LRP12: variants seen among roughly 807,000 people sequenced by gnomAD.
LRP12 encodes the protein LDL receptor related protein 12.
Under a neutral mutation model 66.0 loss-of-function variants are expected in LRP12, and 14 were observed. That is an observed-to-expected ratio of 0.21 (90% CI 0.14 to 0.33). LRP12 has a LOEUF of 0.33. Among genes scored for constraint, LRP12 ranks in the 10% least tolerant of loss-of-function variants. The pLI, the probability that LRP12 is intolerant of heterozygous loss-of-function variation, is 1.00. For synonymous variants in LRP12, 357 were observed against 359.1 expected (o/e 0.99, Z 0.07); for missense variants, 889 against 1,053.4 (o/e 0.84, Z 2.16).
intron 2 of LRP12, among the ~76,000 whole-genome samples, chr8:104,514,034 A>G (rs1449641097): frequency 6.6e-6 from 1 of 152,208 alleles, no homozygotes; most frequent in East Asian, 1.9e-4. Context: ...TGAAGTAAAA[A>G]GAAATTGAAG....
At chr8:104,554,097 A>C (rs991761387) in intron 1 of LRP12, among the ~76,000 whole-genome samples, 12 of 152,054 alleles carry the variant, frequency 7.9e-5, no homozygotes, top group African/African-American at 2.9e-4. Flanking sequence ...CAAGGGAGCA[A>C]CCCATGGGAA....
chr8:104,564,590 A>G (rs1811965913), intron 1 of LRP12, among the ~76,000 whole-genome samples: 1 of 152,034 alleles, frequency 6.6e-6, no homozygotes, highest in South Asian at 2.1e-4. Context: ...GACACAAATC[A>G]GCACCGCATA....
chr8:104,575,954 C>CTTT (rs1812158683), intron 1 of LRP12, among the ~76,000 whole-genome samples: 1 of 152,086 alleles, frequency 6.6e-6, no homozygotes, highest in Non-Finnish European at 1.5e-5. Flanking sequence ...GAAAAACACA[C>CTTT]TTTAAGAATT....
At chr8:104,561,811 A>T (rs1402762133) in intron 1 of LRP12, among the ~76,000 whole-genome samples, 1 of 152,098 alleles carries the variant, frequency 6.6e-6, no homozygotes, top group Admixed American at 6.6e-5. Flanking sequence ...TTTGGCTGGA[A>T]CTACTAGTCT....
intron 2 of LRP12, among the ~76,000 whole-genome samples, chr8:104,514,273 T>A (rs1811043259): frequency 6.6e-6 from 1 of 152,150 alleles, no homozygotes; most frequent in Non-Finnish European, 1.5e-5. Flanking sequence ...CAGTCCCAAC[T>A]TATCATTAAT....
intron 2 of LRP12, among the ~76,000 whole-genome samples, chr8:104,522,149 A>G (rs2140854301): frequency 6.6e-6 from 1 of 152,166 alleles, no homozygotes; most frequent in African/African-American, 2.4e-5. Context: ...GCTGTGGTTA[A>G]AAACAAAAGC....
chr8:104,524,971 T>C (rs902122042), intron 2 of LRP12, among the ~76,000 whole-genome samples: 4 of 152,246 alleles, frequency 2.6e-5, no homozygotes, highest in African/African-American at 7.2e-5. Context: ...GTAAATCAAC[T>C]TGACGTAAGA....
intron 1 of LRP12, among the ~76,000 whole-genome samples, chr8:104,549,400 CTTTTTTTTT>C (rs66644217): frequency 8.6e-6 from 1 of 116,704 alleles, no homozygotes; most frequent in African/African-American, 3.3e-5. Flanking sequence ...TCTGAATCCA[CTTTTTTTTT>C]TTTTTTTTTT....
At chr8:104,544,326 G>A (rs1177278529) in intron 1 of LRP12, among the ~76,000 whole-genome samples, 3 of 152,186 alleles carry the variant, frequency 2.0e-5, no homozygotes, top group Non-Finnish European at 2.9e-5. Flanking sequence ...AAAAGTGCAA[G>A]GTGAGGCTGT....
chr8:104,570,296 T>C (rs78946911), intron 1 of LRP12, among the ~76,000 whole-genome samples: 4,532 of 152,216 alleles, frequency 0.03, 109 homozygotes, highest in Non-Finnish European at 0.05. Context: ...AAAATGTATA[T>C]GGAAGAGAAA....
chr8:104,584,543 C>T (rs1008865551), intron 1 of LRP12, among the ~76,000 whole-genome samples: 1 of 152,054 alleles, frequency 6.6e-6, no homozygotes, highest in Non-Finnish European at 1.5e-5. Context: ...CTTTTATGTT[C>T]TTCAAAAGAA....
At chr8:104,494,907 T>C (rs890835870) in intron 6 of LRP12, among the ~76,000 whole-genome samples, 170 bp downstream of exon 6, 1 of 152,348 alleles carries the variant, frequency 6.6e-6, no homozygotes, top group Admixed American at 6.5e-5. Flanking sequence ...AATATACTTT[T>C]GCAGTTTGTA....
At chr8:104,491,579 A>C in intron 6 of LRP12, 40 bp from the exon 7 acceptor site, 1 of 1,312,546 alleles carries the variant, frequency 7.6e-7, no homozygotes, top group Non-Finnish European at 1.0e-6. Flanking sequence ...GTTAACAACA[A>C]GGTACTAAGA....
At chr8:104,536,328 G>T (rs552794659) in intron 1 of LRP12, among the ~76,000 whole-genome samples, 2 of 152,014 alleles carry the variant, frequency 1.3e-5, no homozygotes, top group Admixed American at 1.3e-4. Flanking sequence ...ACTAGGTTAG[G>T]TCATTCTGTT....
intron 1 of LRP12, among the ~76,000 whole-genome samples, chr8:104,570,574 A>T (rs1812062613): frequency 6.6e-6 from 1 of 152,216 alleles, no homozygotes; most frequent in African/African-American, 2.4e-5. Flanking sequence ...GGTTATCCAT[A>T]TGCAAAAACT....
chr8:104,536,857 T>C (rs1192629870), intron 1 of LRP12, among the ~76,000 whole-genome samples: 1 of 151,814 alleles, frequency 6.6e-6, no homozygotes, highest in Non-Finnish European at 1.5e-5. Context: ...TTTAGTAAGG[T>C]AGTAGGATAT....
intron 1 of LRP12, among the ~76,000 whole-genome samples, chr8:104,548,305 T>TACG (rs1811650706): frequency 2.5e-5 from 1 of 40,032 alleles, no homozygotes; most frequent in African/African-American, 1.5e-4. Flanking sequence ...TTATATAATA[T>TACG]ATATTATATA....
chr8:104,588,746 G>A, intron 1 of LRP12, 73 bp downstream of exon 1: 1 of 1,366,334 alleles, frequency 7.3e-7, no homozygotes, highest in African/African-American at 1.4e-5. Context: ...GGGAACCCCC[G>A]TCCTGGAGGC....
chr8:104,561,786 T>C (rs1295392299), intron 1 of LRP12, among the ~76,000 whole-genome samples: 2 of 152,186 alleles, frequency 1.3e-5, no homozygotes, highest in African/African-American at 2.4e-5. Context: ...CCCTTTTTAT[T>C]GGCCATTGTG....
Sources: gnomAD v4.1 joint callset for allele counts (sites outside exome capture counted in the v4.1 genomes callset) on GRCh38, gnomAD v4.1.1 for gene constraint, MANE v1.5 for transcripts, NCBI Gene and HGNC (gene_info 2026-07-23, HGNC 2026-07-21) for gene names.